ZFHX3: variants seen among roughly 807,000 people sequenced by gnomAD.
The protein encoded by ZFHX3 is zinc finger homeobox protein 3.
A neutral mutation model predicts 279.1 loss-of-function variants in ZFHX3; 42 were observed. The ratio of observed to expected loss-of-function variants is 0.15; its 90% CI spans 0.12 to 0.19. ZFHX3 has a LOEUF of 0.19. Among genes scored for constraint, ZFHX3 ranks in the 10% least tolerant of loss-of-function variants. The pLI, the probability that ZFHX3 is intolerant of heterozygous loss-of-function variation, is 1.00. For missense variants in ZFHX3, 4,981 were observed against 4,754.0 expected, an observed-to-expected ratio of 1.05 and a Z score of -1.40; for synonymous variants, 2,293 against 1,957.8, an observed-to-expected ratio of 1.17 and a Z score of -4.52.
In ZFHX3 at chr16:72,959,387, G is replaced by A. The variant is rs1414343677; in HGVS notation, c.759C>T (p.Ser253=). Residue 253 remains serine (S), a synonymous_variant, in exon 2 of 10, where the codon AGC becomes AGT. Coordinates refer to ENST00000268489, the MANE Select transcript of ZFHX3 (RefSeq NM_006885.4). ...DYLNSDGSAK[S]SCVSKDVPNN... ...TGGGAACATCTTTGGATACGCAGGAGCTTTTGGCAGAACCGTCGCTGTTCA... is the reference window on the plus strand; with the variant it reads ...TGGGAACATCTTTGGATACGCAGGAACTTTTGGCAGAACCGTCGCTGTTCA... 1.2e-6 allele frequency: 2 copies of A among 1,614,246 alleles called. No individual in the cohort carries two copies. Among genetic ancestry groups the A allele is most frequent in the South Asian group, 2.2e-5 (2 of 91,088 alleles).
intron 4 of ZFHX3, among the ~76,000 whole-genome samples, chr16:73,310,814 T>C (rs2015306524): frequency 6.6e-6 from 1 of 152,198 alleles, no homozygotes. Context: ...TTTGCAGTCA[T>C]GTTTTCAATT....
chr16:73,658,985 G>A (rs927411582), intron 2 of ZFHX3, among the ~76,000 whole-genome samples: 3 of 151,976 alleles, frequency 2.0e-5, no homozygotes, highest in Non-Finnish European at 4.4e-5. Context: ...TCTAAGATAG[G>A]TAACCAAAGA....
At chr16:73,326,607 G>A (rs1014083585) in intron 3 of ZFHX3, among the ~76,000 whole-genome samples, 1 of 152,146 alleles carries the variant, frequency 6.6e-6, no homozygotes, top group African/African-American at 2.4e-5. Context: ...AAGGGTTGAG[G>A]GGGGAGGGAA....
At chr16:73,333,737 G>C (rs2015851336) in intron 3 of ZFHX3, among the ~76,000 whole-genome samples, 1 of 126,214 alleles carries the variant, frequency 7.9e-6, no homozygotes, top group African/African-American at 3.0e-5. Flanking sequence ...GCTTCAAACA[G>C]AAACACTGAG....
Position 73,223,304 on chromosome 16 carries a change from T to C in ZFHX3, c.-1104+33743A>G, listed in dbSNP as rs1176008539. On this transcript the variant is annotated intron_variant, in intron 5 of 17. Coordinates refer to the ZFHX3 transcript ENST00000641206. ...AGACAAGCCACAGACTAGGAGAAAA[T>C]ATTTGCAAACGAAATATCTGATAAA... Among the ~76,000 whole-genome samples the C allele has an allele frequency of 3.3e-5, 5 of 152,056 alleles. No homozygotes were observed. The South Asian group carries it at 6.2e-4, about 19-fold the overall frequency.
chr16:73,746,652 G>A (rs1468567362), intron 1 of ZFHX3, among the ~76,000 whole-genome samples: 1 of 152,146 alleles, frequency 6.6e-6, no homozygotes, highest in Non-Finnish European at 1.5e-5. Flanking sequence ...AAACAATGGA[G>A]CTGACAGCCA....
intron 1 of ZFHX3, among the ~76,000 whole-genome samples, chr16:73,864,794 C>T (rs933365598): frequency 9.3e-6 from 1 of 107,608 alleles, no homozygotes; most frequent in African/African-American, 4.1e-5. Context: ...AGCCATTAGG[C>T]ATCCCAATAC....
chr16:73,472,268 T>TA (rs199783028), intron 2 of ZFHX3, among the ~76,000 whole-genome samples: 60,886 of 132,284 alleles, frequency 0.46, 13,978 homozygotes, highest in Non-Finnish European at 0.55. Flanking sequence ...TTTTAAATCT[T>TA]AAAAAAAAAA....
chr16:73,666,643 A>G (rs2052845299), intron 2 of ZFHX3, among the ~76,000 whole-genome samples: 1 of 151,838 alleles, frequency 6.6e-6, no homozygotes, highest in African/African-American at 2.4e-5. Context: ...CATGAAATAA[A>G]ATTCACTCTT....
At chr16:73,143,566 A>T (rs1411595657) in intron 6 of ZFHX3, among the ~76,000 whole-genome samples, 2 of 152,140 alleles carry the variant, frequency 1.3e-5, no homozygotes, top group Non-Finnish European at 2.9e-5. Flanking sequence ...TGCACACAGA[A>T]ATGCCTGCTT....
intron 7 of ZFHX3, among the ~76,000 whole-genome samples, chr16:73,100,376 C>G (rs1277657865): frequency 6.6e-6 from 1 of 152,158 alleles, no homozygotes; most frequent in South Asian, 2.1e-4. Context: ...CTGAGACGAT[C>G]TCACCAACGG....
At chr16:72,789,895 C>G in intron 9 of ZFHX3, 1 of 152,456 alleles carries the variant, frequency 6.6e-6, no homozygotes, top group South Asian at 2.1e-4. Flanking sequence ...AAAGCCATGT[C>G]AGAAGTGGAA....
intron 4 of ZFHX3, among the ~76,000 whole-genome samples, chr16:72,857,850 C>A (rs1238594232): frequency 6.6e-6 from 1 of 152,176 alleles, no homozygotes; most frequent in African/African-American, 2.4e-5. Context: ...ATAATTCATG[C>A]CACTGGTTCT....
At chr16:73,481,702 G>A (rs545153764) in intron 2 of ZFHX3, among the ~76,000 whole-genome samples, 10 of 151,984 alleles carry the variant, frequency 6.6e-5, no homozygotes, top group South Asian at 6.2e-4. Context: ...TATGTTGCCC[G>A]AGCTGGTCTC....
At chr16:73,834,155 T>G (rs1009166065) in intron 1 of ZFHX3, among the ~76,000 whole-genome samples, 11 of 152,166 alleles carry the variant, frequency 7.2e-5, no homozygotes, top group African/African-American at 2.7e-4. Context: ...TTCTGGAATG[T>G]CTGGACTGAC....
intron 7 of ZFHX3, among the ~76,000 whole-genome samples, chr16:72,806,335 C>G (rs770593397): frequency 3.3e-5 from 5 of 152,076 alleles, no homozygotes; most frequent in Non-Finnish European, 5.9e-5. Flanking sequence ...GATGGGAGAA[C>G]AGGAAACACA....
At chr16:72,865,691 G>A (rs1704089879) in intron 4 of ZFHX3, among the ~76,000 whole-genome samples, 1 of 152,162 alleles carries the variant, frequency 6.6e-6, no homozygotes, top group African/African-American at 2.4e-5. Context: ...GGTTGGAGGT[G>A]GTCAGGGTCA....
rs570487346 is a variant in ZFHX3, at chr16:73,186,119, A to T, written c.-1103-42288T>A. Among the ~76,000 whole-genome samples, 23 of 152,204 alleles carry T rather than the reference A, an allele frequency of 1.5e-4. No homozygotes were observed. In the South Asian group the frequency reaches 2.1e-3, roughly 14 times the overall value. ...GGGACCATCTAGTTGCAAGAAAACAAGCTCAGGGCTCCCACTGATTCTACA... is the reference window on the plus strand; with the variant it reads ...GGGACCATCTAGTTGCAAGAAAACATGCTCAGGGCTCCCACTGATTCTACA... On this transcript the variant is annotated intron_variant, in intron 5 of 17. Coordinates refer to the ZFHX3 transcript ENST00000641206.
At chr16:72,817,011 G>A (rs185708979) in intron 5 of ZFHX3, among the ~76,000 whole-genome samples, 2 of 152,324 alleles carry the variant, frequency 1.3e-5, no homozygotes, top group East Asian at 3.9e-4. Context: ...AAGCATTCAT[G>A]CAAAGTTTTG....
Sources: gnomAD v4.1 joint callset for allele counts (sites outside exome capture counted in the v4.1 genomes callset) on GRCh38, gnomAD v4.1.1 for gene constraint, MANE v1.5 for transcripts, NCBI Gene and HGNC (gene_info 2026-07-23, HGNC 2026-07-21) for gene names.